Variants in RWDD4 observed in about 807,000 individuals in gnomAD.
RWDD4 encodes RWD domain-containing protein 4.
Under a neutral mutation model 30.0 loss-of-function variants are expected in RWDD4, and 16 were observed. The observed-to-expected ratio is 0.53, with a 90% CI of 0.36 to 0.81. RWDD4 has a LOEUF of 0.81. Among genes scored for constraint, RWDD4 ranks in the 30% least tolerant of loss-of-function variants. The pLI is 0.00. For missense variants in RWDD4, 170 were observed against 223.9 expected (o/e 0.76, Z 1.54); for synonymous variants, 45 against 72.1 (o/e 0.62, Z 1.90).
chr4:183,647,496 C>T (rs975933381), intron 5 of RWDD4, among the ~76,000 whole-genome samples: 4 of 152,104 alleles, frequency 2.6e-5, no homozygotes, highest in Admixed American at 6.6e-5. Context: ...GCCACAGTGC[C>T]GTGGCTGTCC....
intron 2 of RWDD4, among the ~76,000 whole-genome samples, chr4:183,655,448 AT>A (rs752873451): frequency 3.0e-4 from 45 of 151,500 alleles, no homozygotes; most frequent in African/African-American, 1.1e-3. Flanking sequence ...TGCCCGGCTA[AT>A]TTTTTGTATT....
chr4:183,643,442 A>AAAAAAAAAAAAAAATAT (rs1456203268), intron 7 of RWDD4, among the ~76,000 whole-genome samples: 1 of 145,092 alleles, frequency 6.9e-6, no homozygotes, highest in East Asian at 2.0e-4. Flanking sequence ...AAAAAAAAAA[A>AAAAAAAAAAAAAAATAT]AAAAAGCATT....
chr4:183,644,413 A>T (rs898212707), intron 7 of RWDD4, among the ~76,000 whole-genome samples: 1 of 152,272 alleles, frequency 6.6e-6, no homozygotes, highest in African/African-American at 2.4e-5. Flanking sequence ...AGCAGCACTA[A>T]GATTATTTTA....
At chr4:183,658,752 G>A (rs1734281622) in intron 1 of RWDD4, among the ~76,000 whole-genome samples, 177 bp downstream of exon 1, 1 of 152,156 alleles carries the variant, frequency 6.6e-6, no homozygotes, top group Non-Finnish European at 1.5e-5. Context: ...TGGCAGAGGC[G>A]GACTCCTGGC....
At chr4:183,658,543 C>T (rs559090696) in intron 1 of RWDD4, among the ~76,000 whole-genome samples, 1 of 152,298 alleles carries the variant, frequency 6.6e-6, no homozygotes, top group East Asian at 1.9e-4. Context: ...TCAATTAGCC[C>T]TCTACTAGCC....
chr4:183,656,026 A>C, intron 1 of RWDD4, 65 bp from the exon 2 acceptor site: 3 of 1,071,568 alleles, frequency 2.8e-6, no homozygotes, highest in Non-Finnish European at 4.3e-6. Flanking sequence ...GAGGGTCTTT[A>C]CTTTCTCATT....
Position 183,646,546 on chromosome 4 carries a change from TA to T in RWDD4, c.482-10del. On this transcript the variant is annotated splice_polypyrimidine_tract_variant and intron_variant, in intron 5 of 7. Transcript: ENST00000326397. ...AAGTTCTCCTTTGTGATCTAGAAGA[TA>T]AAAAATAGTAACTTTATTTCTAAGA... 6.2e-7 allele frequency: 1 copy of T among 1,606,778 alleles called. No homozygotes were observed.
chr4:183,651,539 T>C (rs899705009), intron 2 of RWDD4, among the ~76,000 whole-genome samples: 2 of 152,220 alleles, frequency 1.3e-5, no homozygotes, highest in Non-Finnish European at 2.9e-5. Context: ...TATAGCTTCA[T>C]AGGTTCAGTT....
rs541926235 is a variant in RWDD4, at chr4:183,649,933, T to C, written c.364-365A>G. 4.6e-5 allele frequency among the ~76,000 whole-genome samples: 7 copies of C among 152,332 alleles called. No individual in the cohort carries two copies. In the South Asian group the frequency reaches 1.0e-3, roughly 23 times the overall value. On this transcript the variant is annotated intron_variant, in intron 4 of 7. Transcript: ENST00000326397. Reference sequence around the variant, plus strand: ...TTTTTCTTTACAGAGCTTTTCTCAATGTGAACACTTGACAATTTAAACACG... The same window carrying C: ...TTTTTCTTTACAGAGCTTTTCTCAACGTGAACACTTGACAATTTAAACACG...
At chr4:183,656,710 G>T (rs1734201104) in intron 1 of RWDD4, among the ~76,000 whole-genome samples, 1 of 152,168 alleles carries the variant, frequency 6.6e-6, no homozygotes, top group African/African-American at 2.4e-5. Context: ...AAGTGGGCTT[G>T]ATCTACAGTC....
At chr4:183,644,089 C>G (rs1393199424) in intron 7 of RWDD4, among the ~76,000 whole-genome samples, 1 of 148,532 alleles carries the variant, frequency 6.7e-6, no homozygotes, top group East Asian at 2.0e-4. Flanking sequence ...ACCTTTAGAT[C>G]AGATTCTTTT....
chr4:183,652,766 T>C (rs940265607), intron 2 of RWDD4, among the ~76,000 whole-genome samples: 5 of 147,158 alleles, frequency 3.4e-5, no homozygotes, highest in Non-Finnish European at 5.9e-5. Flanking sequence ...GCCGAGATAG[T>C]GCCACTGCAC....
At chr4:183,645,373 A>AC (rs1308705638) in intron 7 of RWDD4, among the ~76,000 whole-genome samples, 5 of 152,204 alleles carry the variant, frequency 3.3e-5, no homozygotes, top group Middle Eastern at 3.2e-3. Flanking sequence ...TGAGACATGT[A>AC]GGCAGCAAAA....
intron 7 of RWDD4, among the ~76,000 whole-genome samples, chr4:183,642,574 C>T (rs943108555): frequency 6.6e-6 from 1 of 152,146 alleles, no homozygotes; most frequent in African/African-American, 2.4e-5. Flanking sequence ...TAATGGAAGA[C>T]AGCTAACAAC....
chr4:183,655,531 A>G lies in RWDD4; in HGVS notation c.105+350T>C, dbSNP rs563838405. Among the ~76,000 whole-genome samples, 79 of 151,806 alleles carry G rather than the reference A, an allele frequency of 5.2e-4. 1 individual carries two copies. The highest frequency in any genetic ancestry group is 6.9e-3 in the Middle Eastern group (2 of 290). ...GATCTCCTGACCTCGTGATCCGCCC[A>G]CCTTGGCCTCCCAAAGTGCTGGGAT... On this transcript the variant is annotated intron_variant, in intron 2 of 7. Coordinates refer to ENST00000326397, the MANE Select transcript of RWDD4 (RefSeq NM_152682.4).
intron 7 of RWDD4, among the ~76,000 whole-genome samples, chr4:183,642,141 G>T (rs897425362): frequency 7.9e-5 from 12 of 151,616 alleles, no homozygotes; most frequent in Non-Finnish European, 8.8e-5. Flanking sequence ...TAAAGGTGTT[G>T]GTTCTCAAAT....
Position 183,641,052 on chromosome 4 carries a change from A to G in RWDD4, c.*384T>C, listed in dbSNP as rs1733845962. 4.8e-6 allele frequency: 1 copy of G among 209,684 alleles called. No homozygotes were observed. The highest frequency in any genetic ancestry group is 6.0e-5 in the Admixed American group (1 of 16,664). The allele number at this position is 209,684 out of a possible 1,614,324, so 13.0% of individuals were successfully genotyped here. On this transcript the variant is annotated 3_prime_UTR_variant, in exon 8 of 8. Transcript: ENST00000326397. Reference sequence around the variant, plus strand: ...GGATTGCACTATGGAGTAACTGTTCACTGAGTACTCCGCTCCACTGGGATG... The same window carrying G: ...GGATTGCACTATGGAGTAACTGTTCGCTGAGTACTCCGCTCCACTGGGATG...
chr4:183,639,888 G>A lies in RWDD4; in HGVS notation c.*1548C>T, dbSNP rs1050272979. 6.6e-6 allele frequency: 1 copy of A among 152,000 alleles called. No individual in the cohort carries two copies. Among genetic ancestry groups the A allele is most frequent in the Non-Finnish European group, 1.5e-5 (1 of 67,972 alleles). 9.4% of individuals were successfully genotyped at this position (152,000 alleles called of 1,614,324 possible). On this transcript the variant is annotated 3_prime_UTR_variant, in exon 8 of 8. Coordinates refer to ENST00000326397, the MANE Select transcript of RWDD4 (RefSeq NM_152682.4). ...ACTAGCATCATTCTCTGTAATCTAT[G>A]AGCCATAATAAGCCTGAACAATTTC...
intron 2 of RWDD4, among the ~76,000 whole-genome samples, chr4:183,651,974 T>A (rs1734085775): frequency 6.6e-6 from 1 of 152,206 alleles, no homozygotes; most frequent in Non-Finnish European, 1.5e-5. Context: ...CCAAATACTT[T>A]CTGCCTCATT....
Sources: allele counts gnomAD v4.1 joint callset (sites outside exome capture counted in the v4.1 genomes callset), GRCh38; gene constraint gnomAD v4.1.1; transcripts MANE v1.5; gene names NCBI Gene and HGNC (gene_info 2026-07-23, HGNC 2026-07-21).